Variants in STK24 observed in about 807,000 individuals in gnomAD.
STK24 encodes the protein serine/threonine-protein kinase 24.
Under a neutral mutation model 55.6 loss-of-function variants are expected in STK24, and 21 were observed. The observed-to-expected ratio is 0.38, with a 90% CI of 0.27 to 0.54. The LOEUF (loss-of-function observed/expected upper bound fraction) is 0.54, where lower values mean the gene tolerates loss of function less well. STK24 is among the 20% of genes least tolerant of loss of function. The pLI is 0.79. For missense variants in STK24, 383 were observed against 538.4 expected (o/e 0.71, Z 2.86); for synonymous variants, 200 against 215.2 (o/e 0.93, Z 0.62).
intron 2 of STK24, among the ~76,000 whole-genome samples, chr13:98,517,694 C>T (rs1477610888): frequency 6.6e-6 from 1 of 152,158 alleles, no homozygotes; most frequent in Non-Finnish European, 1.5e-5. Flanking sequence ...ATGTGTAGTG[C>T]TTTCGTTTTT....
intron 1 of STK24, chr13:98,521,627 C>A (rs1896263390): frequency 3.3e-6 from 2 of 606,776 alleles, no homozygotes; most frequent in Non-Finnish European, 6.1e-6. Context: ...GGCCTTGAAC[C>A]TGCACCTCCA....
At chr13:98,469,980 T>C (rs1484125640) in intron 5 of STK24, among the ~76,000 whole-genome samples, 5 of 152,356 alleles carry the variant, frequency 3.3e-5, no homozygotes, top group Middle Eastern at 6.8e-3. Context: ...GCCCAAAATA[T>C]TCAACAGCAG....
intron 1 of STK24, among the ~76,000 whole-genome samples, chr13:98,534,229 C>A (rs1242771570): frequency 6.6e-6 from 1 of 152,156 alleles, no homozygotes; most frequent in Non-Finnish European, 1.5e-5. Context: ...CAGAAGGCTC[C>A]CTGGCTCAAA....
chr13:98,535,392 T>C (rs573326460), intron 1 of STK24, among the ~76,000 whole-genome samples: 147 of 108,424 alleles, frequency 1.4e-3, no homozygotes, highest in African/African-American at 6.9e-3. Flanking sequence ...TATATATATG[T>C]GTGTATACAC....
chr13:98,458,555 G>A (rs972481963), intron 9 of STK24, among the ~76,000 whole-genome samples: 3 of 152,126 alleles, frequency 2.0e-5, no homozygotes, highest in South Asian at 2.1e-4. Context: ...CCACGCCGCC[G>A]GCCCCGAGGC....
At chr13:98,525,315 C>T (rs1896393985) in intron 1 of STK24, among the ~76,000 whole-genome samples, 1 of 152,180 alleles carries the variant, frequency 6.6e-6, no homozygotes, top group Non-Finnish European at 1.5e-5. Flanking sequence ...GCCTGGGGCC[C>T]CTCAACCCCA....
intron 2 of STK24, among the ~76,000 whole-genome samples, chr13:98,488,323 C>A (rs1017764718): frequency 1.3e-5 from 2 of 152,196 alleles, no homozygotes; most frequent in African/African-American, 4.8e-5. Flanking sequence ...CGAATTCCTG[C>A]TGAAGGCTCC....
chr13:98,571,381 C>A (rs1897735269), intron 1 of STK24, among the ~76,000 whole-genome samples: 1 of 152,152 alleles, frequency 6.6e-6, no homozygotes, highest in Admixed American at 6.5e-5. Flanking sequence ...CCAGCCGCCA[C>A]CTGCCCATAA....
intron 2 of STK24, among the ~76,000 whole-genome samples, chr13:98,489,257 T>C (rs1280727754): frequency 6.6e-6 from 1 of 152,230 alleles, no homozygotes; most frequent in Non-Finnish European, 1.5e-5. Flanking sequence ...CCACTATTAC[T>C]GTGTTAACTC....
Position 98,446,961 on chromosome 13 carries a change from C to T in STK24, c.*6212G>A. 1 of 788,886 alleles carries T rather than the reference C, an allele frequency of 1.3e-6. No homozygotes were observed. The highest frequency in any genetic ancestry group is 2.0e-6 in the Non-Finnish European group (1 of 493,116). The allele number at this position is 788,886 out of a possible 1,614,324, so 48.9% of individuals were successfully genotyped here. On this transcript the variant is annotated 3_prime_UTR_variant, in exon 11 of 11. Transcript: ENST00000539966. Reference sequence around the variant, plus strand: ...TTAGACCTGGGGTCCCACTGCCCGACACCAGCAGGCGATTCTGTTCTCATG... The same window carrying T: ...TTAGACCTGGGGTCCCACTGCCCGATACCAGCAGGCGATTCTGTTCTCATG...
intron 2 of STK24, among the ~76,000 whole-genome samples, chr13:98,504,218 AC>A (rs1486116769): frequency 2.0e-5 from 3 of 152,192 alleles, no homozygotes; most frequent in African/African-American, 7.2e-5. Flanking sequence ...AAAAAAACAA[AC>A]TTTAAAACAA....
Position 98,448,394 on chromosome 13 carries a change from T to A in STK24, c.*4779A>T. 1 of 1,135,906 alleles carries A rather than the reference T, an allele frequency of 8.8e-7. No homozygotes were observed. The highest frequency in any genetic ancestry group is 1.3e-6 in the Non-Finnish European group (1 of 747,672). The allele number at this position is 1,135,906 out of a possible 1,614,324, so 70.4% of individuals were successfully genotyped here. A position where few individuals can be genotyped will look rare whatever the true frequency, so the allele number is the denominator to read the frequency against. On this transcript the variant is annotated 3_prime_UTR_variant, in exon 11 of 11. Coordinates refer to ENST00000539966, the MANE Select transcript of STK24 (RefSeq NM_001032296.4). Reference sequence around the variant, plus strand: ...TTTCTTCTGTATTAATGAAGCCTGGTAAAATTAACACCTGTCTGAAAATCA... The same window carrying A: ...TTTCTTCTGTATTAATGAAGCCTGGAAAAATTAACACCTGTCTGAAAATCA...
chr13:98,523,266 T>C (rs1393946788), intron 1 of STK24, among the ~76,000 whole-genome samples: 1 of 152,186 alleles, frequency 6.6e-6, no homozygotes, highest in Non-Finnish European at 1.5e-5. Flanking sequence ...CCCGCTCCCA[T>C]ACTAAGAGTG....
At chr13:98,469,730 A>C (rs929660165) in intron 5 of STK24, among the ~76,000 whole-genome samples, 9 of 152,034 alleles carry the variant, frequency 5.9e-5, no homozygotes, top group African/African-American at 1.9e-4. Context: ...GATTAGTCTA[A>C]AGGGATCTCT....
intron 2 of STK24, among the ~76,000 whole-genome samples, chr13:98,503,041 T>TTTTTTTTTTTTTTTC (rs1555306354): frequency 3.1e-4 from 46 of 148,702 alleles, no homozygotes; most frequent in African/African-American, 1.0e-3. Context: ...TTTTTTTTTT[T>TTTTTTTTTTTTTTTC]CAGTATGGTA....
At chr13:98,484,038 C>T (rs1256988374) in intron 2 of STK24, among the ~76,000 whole-genome samples, 1 of 152,166 alleles carries the variant, frequency 6.6e-6, no homozygotes, top group Admixed American at 6.5e-5. Flanking sequence ...TGTCTGACAC[C>T]CAACTCAGAG....
chr13:98,475,556 G>A (rs1401249909), intron 3 of STK24, among the ~76,000 whole-genome samples, 198 bp from the exon 4 acceptor site: 1 of 149,324 alleles, frequency 6.7e-6, no homozygotes, highest in Non-Finnish European at 1.5e-5. Context: ...CCGAGAAAAT[G>A]GCTTTGCTCA....
rs531734940 is a variant in STK24 at position 98,544,022 on chromosome 13, T to A, written c.43-24549A>T. On this transcript the variant is annotated intron_variant, in intron 1 of 10. Coordinates refer to ENST00000539966, the MANE Select transcript of STK24 (RefSeq NM_001032296.4). ...AGTGGACCTCAGGTTTAAAAATAGC[T>A]ATGAAGAGGCTTCTAGTAAAAGCCA... 2.0e-5 allele frequency among the ~76,000 whole-genome samples: 3 copies of A among 152,322 alleles called. No homozygotes were observed. The South Asian group carries it at 6.2e-4, about 32-fold the overall frequency.
Position 98,445,781 on chromosome 13 carries a change from C to CGCCG in STK24, c.*7391_*7392insCGGC. 2 of 229,078 alleles carry CGCCG rather than the reference C, an allele frequency of 8.7e-6. No individual in the cohort carries two copies. The highest frequency in any genetic ancestry group is 8.7e-6 in the Non-Finnish European group (1 of 114,432). 14.2% of individuals were successfully genotyped at this position (229,078 alleles called of 1,614,324 possible). ...CCACCCTACCCCAGTGTGATCTCGT[C>CGCCG]TTCACTAGTTACCCTGCAACGAGCC... On this transcript the variant is annotated 3_prime_UTR_variant, in exon 11 of 11. Transcript: ENST00000539966.
Sources: gnomAD v4.1 joint callset for allele counts (sites outside exome capture counted in the v4.1 genomes callset) on GRCh38, gnomAD v4.1.1 for gene constraint, MANE v1.5 for transcripts, NCBI Gene and HGNC (gene_info 2026-07-23, HGNC 2026-07-21) for gene names.